MBOAT1: variants seen among roughly 807,000 people sequenced by gnomAD.
MBOAT1 encodes the protein membrane-bound glycerophospholipid O-acyltransferase 1.
A neutral mutation model predicts 64.4 loss-of-function variants in MBOAT1; 67 were observed. The ratio of observed to expected loss-of-function variants is 1.04; its 90% CI spans 0.85 to 1.27. MBOAT1 has a LOEUF of 1.27. MBOAT1 is among the 50% of genes most tolerant of loss of function. The pLI is 0.00. For missense variants in MBOAT1, 563 were observed against 604.6 expected (o/e 0.93, Z 0.72); for synonymous variants, 229 against 218.9 (o/e 1.05, Z -0.41).
intron 4 of MBOAT1, among the ~76,000 whole-genome samples, chr6:20,132,642 A>G (rs11970314): frequency 0.022 from 3,345 of 152,338 alleles, 118 homozygotes; most frequent in African/African-American, 0.075. Flanking sequence ...AAACGTAAGT[A>G]TAAATCTTTG....
chr6:20,185,661 C>T lies in MBOAT1; in HGVS notation c.99+26475G>A, dbSNP rs79546304. Among the ~76,000 whole-genome samples the T allele has an allele frequency of 6.1e-3, 930 of 152,298 alleles. 8 individuals are homozygous for T. Among genetic ancestry groups the T allele is most frequent in the African/African-American group, 0.021 (869 of 41,554 alleles). ...TTTTGTTTTGTGTGGAGAACGCTGGCTAATATCTTAAGCCTAGCACCCATG... is the reference window on the plus strand; with the variant it reads ...TTTTGTTTTGTGTGGAGAACGCTGGTTAATATCTTAAGCCTAGCACCCATG... On this transcript the variant is annotated intron_variant, in intron 1 of 12. Coordinates refer to ENST00000324607, the MANE Select transcript of MBOAT1 (RefSeq NM_001080480.3).
chr6:20,192,175 C>T (rs73374705), intron 1 of MBOAT1, among the ~76,000 whole-genome samples: 1,927 of 152,316 alleles, frequency 0.013, 45 homozygotes, highest in African/African-American at 0.044. Flanking sequence ...TTCTTTCACA[C>T]TTCCTGGGTA....
rs1760070056 is a variant in MBOAT1 at position 20,109,755 on chromosome 6, G to A, written c.1210-6C>T. 1 of 1,612,052 alleles carries A rather than the reference G, an allele frequency of 6.2e-7. No homozygotes were observed. ...TGTCTGTAGTTGTTCCTGACCTGCA[G>A]GCCAACACAGGCAACAGTAGTGAGG... On this transcript the variant is annotated splice_polypyrimidine_tract_variant and splice_region_variant and intron_variant, in intron 11 of 12. Transcript: ENST00000324607.
chr6:20,126,602 A>G lies in MBOAT1; in HGVS notation c.629T>C (p.Ile210Thr), dbSNP rs140142678. Reference protein sequence around the residue: ...CNNFKDYIAFIEGKHIHMKLL... With the variant: ...CNNFKDYIAFTEGKHIHMKLL... ...CTTCATGTGTATATGCTTCCCCTCA[A>G]TGAAGGCTATGTAGTCCTTGAAATT... is the stretch of plus-strand genomic sequence containing the variant. The change falls in exon 7 of 13, where the codon ATT becomes ACT. Residue 210 changes from isoleucine to threonine, a missense_variant. Physicochemically the swap from Ile to Thr is moderately conservative, Grantham distance 89 (BLOSUM62 -1). Transcript: ENST00000324607. 7 of 1,613,892 alleles carry G rather than the reference A, an allele frequency of 4.3e-6. No homozygotes were observed. The highest frequency in any genetic ancestry group is 4.0e-5 in the African/African-American group (3 of 74,900).
At position 20,205,700 on chromosome 6, in the gene MBOAT1, C is replaced by T. The variant is rs1006058682; in HGVS notation, c.99+6436G>A. Among the ~76,000 whole-genome samples the T allele has an allele frequency of 2.0e-5, 3 of 152,140 alleles. No homozygotes were observed. In the East Asian group the frequency reaches 5.8e-4, roughly 29 times the overall value. ...AACTCTGTGGACCTGGGGGTTTATA[C>T]CTCACCATCGTACCCCCAACACATC... On this transcript the variant is annotated intron_variant, in intron 1 of 12. Transcript: ENST00000324607.
At chr6:20,104,328 T>G (rs778672465) in intron 12 of MBOAT1, among the ~76,000 whole-genome samples, 2 of 152,220 alleles carry the variant, frequency 1.3e-5, no homozygotes, top group Non-Finnish European at 2.9e-5. Context: ...TTTAACCCAT[T>G]GCTCTACTCA....
intron 1 of MBOAT1, among the ~76,000 whole-genome samples, chr6:20,178,931 GGT>G (rs926443335): frequency 2.0e-5 from 3 of 148,872 alleles, no homozygotes; most frequent in African/African-American, 7.6e-5. Flanking sequence ...GTTTTTAATG[GGT>G]TTTTTTTTTT....
rs192210196 is a variant in MBOAT1, at chr6:20,202,471, T to G, written c.99+9665A>C. On this transcript the variant is annotated intron_variant, in intron 1 of 12. Transcript: ENST00000324607. ...TCAACTTTAAACTGTTCAAGGTGATTGTGGACTTTCAAAACCATCTCTCAA... is the reference window on the plus strand; with the variant it reads ...TCAACTTTAAACTGTTCAAGGTGATGGTGGACTTTCAAAACCATCTCTCAA... Among the ~76,000 whole-genome samples, 519 of 152,308 alleles carry G rather than the reference T, an allele frequency of 3.4e-3. 4 individuals are homozygous for G. Among genetic ancestry groups the G allele is most frequent in the Non-Finnish European group, 6.3e-3 (426 of 68,022 alleles).
At chr6:20,119,711 A>G (rs889298703) in intron 8 of MBOAT1, among the ~76,000 whole-genome samples, 2 of 152,214 alleles carry the variant, frequency 1.3e-5, no homozygotes, top group Admixed American at 6.5e-5. Flanking sequence ...CCCGTCGCCA[A>G]CTGGATGGGA....
chr6:20,161,091 C>T (rs981300118), intron 1 of MBOAT1, among the ~76,000 whole-genome samples: 19 of 152,252 alleles, frequency 1.2e-4, no homozygotes, highest in African/African-American at 4.6e-4. Flanking sequence ...TCTGTATTTA[C>T]AGTCACTCCT....
chr6:20,168,548 GGAAAC>G (rs1254285286), intron 1 of MBOAT1, among the ~76,000 whole-genome samples: 4,735 of 127,478 alleles, frequency 0.037, 216 homozygotes, highest in Non-Finnish European at 0.046. Flanking sequence ...GAGAGGAGAG[GGAAAC>G]AGAGAAAGAG....
chr6:20,150,357 C>T (rs1761454657), intron 3 of MBOAT1, among the ~76,000 whole-genome samples: 1 of 152,152 alleles, frequency 6.6e-6, no homozygotes, highest in East Asian at 1.9e-4. Flanking sequence ...ATCCATCACC[C>T]CCTAGAACTT....
intron 2 of MBOAT1, 71 bp downstream of exon 2, chr6:20,152,553 G>A (rs1761546753): frequency 6.8e-7 from 1 of 1,474,518 alleles, no homozygotes; most frequent in East Asian, 2.5e-5. Context: ...TCTGGCTTTA[G>A]TGCAATTCCA....
At chr6:20,111,074 G>A (rs139645843) in intron 11 of MBOAT1, among the ~76,000 whole-genome samples, 16 of 152,204 alleles carry the variant, frequency 1.1e-4, no homozygotes, top group Middle Eastern at 3.4e-3. Context: ...CATGATTCCC[G>A]TTTTACAGAT....
chr6:20,162,743 GC>G (rs1391959576), intron 1 of MBOAT1, among the ~76,000 whole-genome samples: 2 of 152,202 alleles, frequency 1.3e-5, no homozygotes, highest in African/African-American at 4.8e-5. Context: ...TAGGTTGCCT[GC>G]AGTGGCCTCT....
intron 1 of MBOAT1, among the ~76,000 whole-genome samples, chr6:20,172,096 G>A (rs1014689595): frequency 2.0e-5 from 3 of 151,952 alleles, no homozygotes; most frequent in Non-Finnish European, 4.4e-5. Flanking sequence ...GGAAAAGAGA[G>A]AAGATAGTAA....
chr6:20,168,599 G>GAGAAGAGAAGAGA (rs1244703112), intron 1 of MBOAT1, among the ~76,000 whole-genome samples: 48 of 84,604 alleles, frequency 5.7e-4, no homozygotes, highest in Admixed American at 7.6e-4. Context: ...GGGAGAGAAA[G>GAGAAGAGAAGAGA]AGAGAAGAGA....
Position 20,212,146 on chromosome 6 carries a change from G to C in MBOAT1, c.89C>G (p.Pro30Arg), listed in dbSNP as rs568625438. The change falls in exon 1 of 13, where the codon CCG becomes CGG. Residue 30 changes from proline to arginine, a missense_variant. Coordinates refer to ENST00000324607, the MANE Select transcript of MBOAT1 (RefSeq NM_001080480.3). Reference sequence around the variant, plus strand: ...CCGGCCTGCAGTTACCTGGTCCAGCGGGATGCCCAGGAGCTCGCTGAGCGG... The same window carrying C: ...CCGGCCTGCAGTTACCTGGTCCAGCCGGATGCCCAGGAGCTCGCTGAGCGG... ...LHPLSELLGI[P>R]LDQVNFVVCQ... The C allele has an allele frequency of 6.2e-7, 1 of 1,613,566 alleles. No individual in the cohort carries two copies. The highest frequency in any genetic ancestry group is 1.3e-5 in the African/African-American group (1 of 75,040).
intron 1 of MBOAT1, among the ~76,000 whole-genome samples, chr6:20,194,056 G>A (rs1173678483): frequency 6.6e-6 from 1 of 151,754 alleles, no homozygotes; most frequent in Non-Finnish European, 1.5e-5. Context: ...CTAAATGGAC[G>A]GCCTCAATGT....
Sources: gnomAD v4.1 joint callset for allele counts (sites outside exome capture counted in the v4.1 genomes callset) on GRCh38, gnomAD v4.1.1 for gene constraint, MANE v1.5 for transcripts, NCBI Gene and HGNC (gene_info 2026-07-23, HGNC 2026-07-21) for gene names.